DPP10: variants seen among roughly 807,000 people sequenced by gnomAD.
DPP10 encodes inactive dipeptidyl peptidase 10.
A neutral mutation model predicts 120.9 loss-of-function variants in DPP10; 33 were observed. The observed-to-expected ratio is 0.27, with a 90% CI of 0.21 to 0.37. DPP10 has a LOEUF of 0.37. Among genes scored for constraint, DPP10 ranks in the 10% least tolerant of loss-of-function variants. The pLI is 1.00. For missense variants in DPP10, 816 were observed against 942.8 expected, an observed-to-expected ratio of 0.87 and a Z score of 1.76; for synonymous variants, 337 against 326.1, an observed-to-expected ratio of 1.03 and a Z score of -0.36.
chr2:115,328,479 C>A (rs1200694663), intron 2 of DPP10, among the ~76,000 whole-genome samples: 1 of 151,906 alleles, frequency 6.6e-6, no homozygotes, highest in African/African-American at 2.4e-5. Context: ...TCCTTCAGAA[C>A]CTAAAGGTAC....
chr2:114,509,908 A>G (rs981914312), intron 1 of DPP10, among the ~76,000 whole-genome samples: 2 of 152,230 alleles, frequency 1.3e-5, no homozygotes, highest in African/African-American at 4.8e-5. Flanking sequence ...TTGTTTTTAC[A>G]TTCATTTTGT....
intron 1 of DPP10, among the ~76,000 whole-genome samples, chr2:115,104,919 T>TGG (rs1559100472): frequency 2.0e-5 from 3 of 151,912 alleles, no homozygotes; most frequent in Admixed American, 6.6e-5. Context: ...GGCAGGAGAA[T>TGG]TGCTTGAACC....
chr2:114,961,644 G>A (rs1017787063), intron 1 of DPP10, among the ~76,000 whole-genome samples: 1 of 152,136 alleles, frequency 6.6e-6, no homozygotes, highest in Non-Finnish European at 1.5e-5. Flanking sequence ...ATAACTAAGG[G>A]TATGGAATGT....
chr2:114,573,939 G>T (rs1689850262), intron 1 of DPP10, among the ~76,000 whole-genome samples: 1 of 152,178 alleles, frequency 6.6e-6, no homozygotes, highest in Non-Finnish European at 1.5e-5. Flanking sequence ...CTTTTCCAAA[G>T]GATGGAGGCA....
At chr2:114,603,413 G>A (rs1053432116) in intron 1 of DPP10, among the ~76,000 whole-genome samples, 2 of 152,044 alleles carry the variant, frequency 1.3e-5, no homozygotes, top group South Asian at 2.1e-4. Context: ...ACTTGTCTGC[G>A]TTTTAGGTTC....
At chr2:115,550,081 G>A (rs978183441) in intron 5 of DPP10, among the ~76,000 whole-genome samples, 2 of 152,112 alleles carry the variant, frequency 1.3e-5, no homozygotes, top group Non-Finnish European at 2.9e-5. Context: ...AAAAGGGGGA[G>A]AGACAGCTTC....
intron 1 of DPP10, among the ~76,000 whole-genome samples, chr2:115,052,067 A>G (rs936961494): frequency 2.0e-5 from 3 of 152,196 alleles, no homozygotes; most frequent in Non-Finnish European, 4.4e-5. Flanking sequence ...TGCTGAGACC[A>G]CTCAGTAAAG....
At chr2:115,666,374 T>G (rs2089454531) in intron 5 of DPP10, among the ~76,000 whole-genome samples, 1 of 152,210 alleles carries the variant, frequency 6.6e-6, no homozygotes, top group South Asian at 2.1e-4. Context: ...AAACCCTCAC[T>G]TGTAAAATCA....
At chr2:115,217,931 G>A (rs568747278) in intron 1 of DPP10, among the ~76,000 whole-genome samples, 3 of 152,104 alleles carry the variant, frequency 2.0e-5, no homozygotes, top group South Asian at 2.1e-4. Flanking sequence ...ATGCTCCCAC[G>A]TCATGCTCTG....
chr2:115,224,172 C>T (rs2057320062), intron 1 of DPP10, among the ~76,000 whole-genome samples: 1 of 152,038 alleles, frequency 6.6e-6, no homozygotes, highest in South Asian at 2.1e-4. Context: ...TTAAAAGCCT[C>T]ATCTTAAGGA....
chr2:115,036,618 A>G (rs1704242512), intron 1 of DPP10, among the ~76,000 whole-genome samples: 2 of 152,196 alleles, frequency 1.3e-5, no homozygotes, highest in South Asian at 4.1e-4. Flanking sequence ...AGCTAAACAG[A>G]CAAACTACTT....
At chr2:114,717,474 A>G (rs984603894) in intron 1 of DPP10, among the ~76,000 whole-genome samples, 79 of 152,066 alleles carry the variant, frequency 5.2e-4, no homozygotes, top group African/African-American at 1.8e-3. Context: ...TGAAGAGGAA[A>G]CCCTGAAATT....
intron 3 of DPP10, among the ~76,000 whole-genome samples, chr2:115,378,373 A>G (rs1319505093): frequency 2.0e-5 from 3 of 150,928 alleles, no homozygotes; most frequent in Non-Finnish European, 2.9e-5. Context: ...TTGGTGTATA[A>G]GAATGCTTGT....
intron 5 of DPP10, among the ~76,000 whole-genome samples, chr2:115,591,333 A>G (rs1380267682): frequency 6.6e-6 from 1 of 152,166 alleles, no homozygotes; most frequent in Non-Finnish European, 1.5e-5. Flanking sequence ...TAATTTTTGT[A>G]AGGTGTAAGG....
At chr2:114,836,379 G>A (rs1325361950) in intron 1 of DPP10, among the ~76,000 whole-genome samples, 1 of 152,154 alleles carries the variant, frequency 6.6e-6, no homozygotes, top group Non-Finnish European at 1.5e-5. Flanking sequence ...GTACAAAAGA[G>A]AGAAATTTTA....
At chr2:115,485,593 T>C (rs2075729308) in intron 3 of DPP10, among the ~76,000 whole-genome samples, 1 of 150,600 alleles carries the variant, frequency 6.6e-6, no homozygotes, top group African/African-American at 2.4e-5. Flanking sequence ...AGTCTTACTT[T>C]ATGGTTTAAT....
At chr2:114,950,287 C>G (rs552003238) in intron 1 of DPP10, among the ~76,000 whole-genome samples, 1 of 144,122 alleles carries the variant, frequency 6.9e-6, no homozygotes, top group African/African-American at 2.5e-5. Flanking sequence ...TGAGACCACA[C>G]CTTGCTTTTT....
At chr2:115,260,020 A>G (rs549578348) in intron 1 of DPP10, among the ~76,000 whole-genome samples, 19 of 151,550 alleles carry the variant, frequency 1.3e-4, no homozygotes, top group African/African-American at 3.9e-4. Flanking sequence ...GATATGTTTA[A>G]AAACTAATAA....
intron 1 of DPP10, among the ~76,000 whole-genome samples, chr2:114,778,113 G>A (rs570984938): frequency 2.6e-5 from 4 of 151,874 alleles, no homozygotes; most frequent in Non-Finnish European, 2.9e-5. Context: ...ACTAAGAAGG[G>A]CTATAAATGA....
Sources: gnomAD v4.1 joint callset for allele counts (sites outside exome capture counted in the v4.1 genomes callset) on GRCh38, gnomAD v4.1.1 for gene constraint, MANE v1.5 for transcripts, NCBI Gene and HGNC (gene_info 2026-07-23, HGNC 2026-07-21) for gene names.